TERF2: variants seen among roughly 807,000 people sequenced by gnomAD.
TERF2 encodes the protein telomeric repeat-binding factor 2.
TERF2 carries 16 observed loss-of-function variants against 56.1 expected under a neutral mutation model. The ratio of observed to expected loss-of-function variants is 0.29; its 90% CI spans 0.19 to 0.43. The LOEUF is 0.43. TERF2 is among the 20% of genes least tolerant of loss of function. The probability of loss-of-function intolerance (pLI) is 1.00; values close to 1 mark genes in which losing one functional copy is unlikely to be tolerated. For synonymous variants in TERF2, 296 were observed against 282.1 expected (o/e 1.05, Z -0.50); for missense variants, 547 against 712.9 (o/e 0.77, Z 2.65).
rs1429816010 is a variant in TERF2 at position 69,356,352 on chromosome 16, G to A, written c.*546C>T. The A allele has an allele frequency of 5.6e-6, 2 of 355,344 alleles. No individual in the cohort carries two copies. The highest frequency in any genetic ancestry group is 1.1e-5 in the Non-Finnish European group (2 of 181,656). The allele number at this position is 355,344 out of a possible 1,614,324, so 22.0% of individuals were successfully genotyped here. A position where few individuals can be genotyped will look rare whatever the true frequency, so the allele number is the denominator to read the frequency against. ...GAAACGCTAATGATATTCTGGCACT[G>A]CACAAGCTGTGTGCCTGTCATCTCT... On this transcript the variant is annotated 3_prime_UTR_variant, in exon 10 of 10. Transcript: ENST00000254942.
At position 69,385,724 on chromosome 16, in the gene TERF2, C is replaced by G. The variant is rs755403125; in HGVS notation, c.248G>C (p.Arg83Pro). 4 of 1,571,656 alleles carry G rather than the reference C, an allele frequency of 2.5e-6. No homozygotes were observed. The highest frequency in any genetic ancestry group is 1.7e-4 in the Middle Eastern group (1 of 5,740). ...HEPGLGGPAE[R>P]GAGEARLEEA... is the part of the protein sequence containing the mutation. ...TTCCAGCCGTGCCTCCCCCGCGCCGCGCTCCGCCGGGCCCCCCAGCCCCGG... is the reference window on the plus strand; with the variant it reads ...TTCCAGCCGTGCCTCCCCCGCGCCGGGCTCCGCCGGGCCCCCCAGCCCCGG... Residue 83 changes from arginine to proline, a missense_variant, in exon 1 of 10, where the codon CGC (arginine) becomes CCC (proline). This residue lies in a region of TERF2 where 120 missense variants were observed against 172.4 expected (regional missense o/e 0.70). Coordinates refer to ENST00000254942, the MANE Select transcript of TERF2 (RefSeq NM_005652.5).
At chr16:69,365,647 T>C (rs2013315369) in intron 7 of TERF2, 1 of 152,360 alleles carries the variant, frequency 6.6e-6, no homozygotes, top group Admixed American at 6.5e-5. Flanking sequence ...TGCCTCAGCT[T>C]CCCAAGTAGC....
chr16:69,385,349 C>T (rs1160995642), intron 2 of TERF2, 42 bp downstream of exon 2: 1 of 1,544,266 alleles, frequency 6.5e-7, no homozygotes, highest in African/African-American at 1.4e-5. Flanking sequence ...AAACAAAACC[C>T]TACGCAAGTA....
At position 69,384,873 on chromosome 16, in the gene TERF2, G is replaced by A. The variant is rs2014132329; in HGVS notation, c.476-163C>T. ...GCTACAGGTTGACATACACGATAAG[G>A]GTCCAAATTCAAATCAATGAATTTA... On this transcript the variant is annotated intron_variant, in intron 2 of 9. Transcript: ENST00000254942. The A allele has an allele frequency of 1.0e-5, 6 of 602,686 alleles. No individual in the cohort carries two copies. In the South Asian group the frequency reaches 2.4e-4, roughly 24 times the overall value. The allele number at this position is 602,686 out of a possible 1,614,324, so 37.3% of individuals were successfully genotyped here.
intron 7 of TERF2, among the ~76,000 whole-genome samples, chr16:69,361,945 TAACTAGAG>T (rs2013159683): frequency 6.7e-6 from 1 of 149,770 alleles, no homozygotes; most frequent in African/African-American, 2.5e-5. Flanking sequence ...ACTAGCCTCT[TAACTAGAG>T]TCTCTGCCGC....
chr16:69,361,494 G>A lies in TERF2; in HGVS notation c.1341-5C>T. The A allele has an allele frequency of 6.2e-7, 1 of 1,606,710 alleles. No individual in the cohort carries two copies. Among genetic ancestry groups the A allele is most frequent in the South Asian group, 1.1e-5 (1 of 90,926 alleles). On this transcript the variant is annotated splice_polypyrimidine_tract_variant and splice_region_variant and intron_variant, in intron 7 of 9. Transcript: ENST00000254942. The stretch of plus-strand genomic sequence containing the variant: ...TTCCACTTGCCTTTGGGTACTCTGA[G>A]GGGAGATCAAGGAGAGCACAGGTAT...
At position 69,385,648 on chromosome 16, in the gene TERF2, C is replaced by A. The variant is rs1453315091; in HGVS notation, c.324G>T (p.Arg108=). The change falls in exon 1 of 10, where the codon CGG becomes CGT. Residue 108 remains arginine, a synonymous_variant. Coordinates refer to ENST00000254942, the MANE Select transcript of TERF2 (RefSeq NM_005652.5). Reference sequence around the variant, plus strand: ...CCCCGTACCGGCTACCCCGAAAGGCCCGCAGCGCCTCGTGGAAGTAGAACT... The same window carrying A: ...CCCCGTACCGGCTACCCCGAAAGGCACGCAGCGCCTCGTGGAAGTAGAACT... ...VLKFYFHEAL[R]AFRGSRYGDF... is the part of the protein sequence containing the mutation. 1 of 1,611,990 alleles carries A rather than the reference C, an allele frequency of 6.2e-7. No homozygotes were observed. Among genetic ancestry groups the A allele is most frequent in the Admixed American group, 1.7e-5 (1 of 59,976 alleles).
At chr16:69,379,545 C>T (rs562018883) in intron 3 of TERF2, among the ~76,000 whole-genome samples, 2 of 152,320 alleles carry the variant, frequency 1.3e-5, no homozygotes, top group East Asian at 3.9e-4. Flanking sequence ...TAACAGCTTG[C>T]AGAAGCAGGT....
intron 7 of TERF2, among the ~76,000 whole-genome samples, chr16:69,362,184 T>C (rs1456056131): frequency 6.6e-6 from 1 of 151,902 alleles, no homozygotes; most frequent in East Asian, 1.9e-4. Context: ...TGTTCTGCTC[T>C]TTCTTCCTTC....
intron 6 of TERF2, among the ~76,000 whole-genome samples, chr16:69,367,922 C>T (rs2013411421): frequency 6.6e-6 from 1 of 152,222 alleles, no homozygotes; most frequent in African/African-American, 2.4e-5. Context: ...CTGAAAAGCA[C>T]ATCCCCTGGT....
intron 3 of TERF2, among the ~76,000 whole-genome samples, chr16:69,376,863 GAA>G (rs59645035): frequency 1.8e-5 from 2 of 111,012 alleles, no homozygotes; most frequent in African/African-American, 3.5e-5. Flanking sequence ...TTGTCACATT[GAA>G]AAAAAAAAAA....
intron 8 of TERF2, among the ~76,000 whole-genome samples, chr16:69,359,978 G>T (rs2013070697): frequency 6.6e-6 from 1 of 150,828 alleles, no homozygotes; most frequent in Non-Finnish European, 1.5e-5. Flanking sequence ...GCCCAAGCTG[G>T]TCTCCAACCC....
chr16:69,357,132 G>C, intron 9 of TERF2, 76 bp from the exon 10 acceptor site: 1 of 1,479,120 alleles, frequency 6.8e-7, no homozygotes, highest in Admixed American at 2.3e-5. Flanking sequence ...GTAGTGATAA[G>C]GTAAACTCAA....
intron 3 of TERF2, among the ~76,000 whole-genome samples, chr16:69,384,064 C>T (rs972695214): frequency 6.6e-6 from 1 of 152,174 alleles, no homozygotes; most frequent in African/African-American, 2.4e-5. Flanking sequence ...ACTGCCTGTG[C>T]CGGATTTCTA....
At chr16:69,359,806 A>C (rs567547996) in intron 8 of TERF2, among the ~76,000 whole-genome samples, 1 of 151,520 alleles carries the variant, frequency 6.6e-6, no homozygotes, top group Admixed American at 6.6e-5. Flanking sequence ...TTTTTAGTAG[A>C]GACAGGGTTT....
chr16:69,367,631 T>C (rs1474748507), intron 6 of TERF2, among the ~76,000 whole-genome samples: 6 of 152,170 alleles, frequency 3.9e-5, no homozygotes, highest in African/African-American at 1.4e-4. Flanking sequence ...AATGAGAAAC[T>C]GCCTTTTAAA....
chr16:69,380,458 A>G (rs12930871), intron 3 of TERF2, among the ~76,000 whole-genome samples: 1 of 151,672 alleles, frequency 6.6e-6, no homozygotes, highest in South Asian at 2.1e-4. Flanking sequence ...CAGGAGTGCA[A>G]GACCAGCCTG....
chr16:69,365,312 TACA>T (rs1567445974), intron 7 of TERF2: 1 of 152,226 alleles, frequency 6.6e-6, no homozygotes, highest in Non-Finnish European at 1.5e-5. Flanking sequence ...CACTTCTACA[TACA>T]AGTAGTGGTG....
Position 69,385,794 on chromosome 16 carries a change from G to C in TERF2, c.178C>G (p.Arg60Gly). 7.7e-7 allele frequency: 1 copy of C among 1,294,258 alleles called. No homozygotes were observed. Among genetic ancestry groups the C allele is most frequent in the East Asian group, 3.3e-5 (1 of 30,634 alleles). 80.2% of individuals were successfully genotyped at this position (1,294,258 alleles called of 1,614,324 possible). ...SDGSGRAAGRRASRSSGRARR... is the reference protein window; with the variant it reads ...SDGSGRAAGRGASRSSGRARR... ...GCCCGCCCGCTACTGCGGGACGCCCGCCTGCCAGCTGCCCGCCCGCTGCCG... is the reference window on the plus strand; with the variant it reads ...GCCCGCCCGCTACTGCGGGACGCCCCCCTGCCAGCTGCCCGCCCGCTGCCG... The change falls in exon 1 of 10, where the codon CGG becomes GGG. Residue 60 changes from arginine (R) to glycine (G), a missense_variant. Transcript: ENST00000254942.
Sources: allele counts gnomAD v4.1 joint callset (sites outside exome capture counted in the v4.1 genomes callset), GRCh38; gene constraint gnomAD v4.1.1; regional missense constraint gnomAD v4.1.1; transcripts MANE v1.5; gene names NCBI Gene and HGNC (gene_info 2026-07-23, HGNC 2026-07-21).